PKP4: variants seen among roughly 807,000 people sequenced by gnomAD.
The protein encoded by PKP4 is plakophilin 4.
A neutral mutation model predicts 145.1 loss-of-function variants in PKP4; 90 were observed. That is an observed-to-expected ratio of 0.62 (90% CI 0.52 to 0.74). The LOEUF (loss-of-function observed/expected upper bound fraction) is 0.74, where lower values mean the gene tolerates loss of function less well. PKP4 is among the 30% of genes least tolerant of loss of function. PKP4 has a pLI of 0.00. For missense variants in PKP4, 1,340 were observed against 1,482.7 expected, an observed-to-expected ratio of 0.90 and a Z score of 1.58; for synonymous variants, 563 against 577.2, an observed-to-expected ratio of 0.98 and a Z score of 0.35.
At chr2:158,542,697 C>T (rs536132893) in intron 2 of PKP4, among the ~76,000 whole-genome samples, 3 of 152,076 alleles carry the variant, frequency 2.0e-5, no homozygotes, top group South Asian at 2.1e-4. Context: ...TGCCATTGTG[C>T]GAAAAAAGAC....
chr2:158,495,751 G>GT (rs1695609809), intron 1 of PKP4, among the ~76,000 whole-genome samples: 1 of 150,600 alleles, frequency 6.6e-6, no homozygotes, highest in Non-Finnish European at 1.5e-5. Flanking sequence ...GGGTAATTGT[G>GT]TGAACCCAGG....
intron 4 of PKP4, among the ~76,000 whole-genome samples, 173 bp from the exon 5 acceptor site, chr2:158,620,798 ATATATTAATGAAGTATAAG>A (rs2052150141): frequency 1.3e-5 from 2 of 152,228 alleles, no homozygotes; most frequent in Admixed American, 1.3e-4. Context: ...ATTCAGCAAA[ATATATTAATGAAGTATAAG>A]TATATGGAAC....
intron 9 of PKP4, among the ~76,000 whole-genome samples, chr2:158,640,327 A>C (rs2054168287): frequency 6.6e-6 from 1 of 152,248 alleles, no homozygotes; most frequent in South Asian, 2.1e-4. Flanking sequence ...GTAGAAAGAC[A>C]TAAAATTAGA....
At chr2:158,603,212 G>A in intron 4 of PKP4, 108 bp downstream of exon 4, 1 of 596,552 alleles carries the variant, frequency 1.7e-6, no homozygotes, top group South Asian at 2.7e-5. Context: ...GCCTTTAATA[G>A]TGACAATATT....
chr2:158,490,933 C>T (rs1175772572), intron 1 of PKP4, among the ~76,000 whole-genome samples: 7 of 152,164 alleles, frequency 4.6e-5, no homozygotes, highest in African/African-American at 7.2e-5. Flanking sequence ...CTACCTCCCA[C>T]GGCCGTAGGC....
intron 1 of PKP4, among the ~76,000 whole-genome samples, chr2:158,505,500 C>G (rs1318447437): frequency 6.6e-6 from 1 of 152,172 alleles, no homozygotes; most frequent in African/African-American, 2.4e-5. Context: ...TACTGTGCTG[C>G]CTGCTGACAG....
At chr2:158,519,555 ACTCTGAAC>A (rs1479005802) in intron 1 of PKP4, among the ~76,000 whole-genome samples, 7 of 151,994 alleles carry the variant, frequency 4.6e-5, no homozygotes, top group African/African-American at 1.7e-4. Flanking sequence ...GATATACCAT[ACTCTGAAC>A]CTCGAGCTCT....
intron 2 of PKP4, among the ~76,000 whole-genome samples, chr2:158,538,058 C>A (rs1012568228): frequency 6.6e-6 from 1 of 152,000 alleles, no homozygotes; most frequent in Non-Finnish European, 1.5e-5. Context: ...AAGGATCCTG[C>A]CTCTTCCTGT....
At chr2:158,590,459 A>G (rs2049174455) in intron 3 of PKP4, among the ~76,000 whole-genome samples, 1 of 151,514 alleles carries the variant, frequency 6.6e-6, no homozygotes, top group Admixed American at 6.6e-5. Context: ...GTCCAAGTCA[A>G]TTAAAGATTG....
chr2:158,590,579 C>G (rs554964619), intron 3 of PKP4, among the ~76,000 whole-genome samples: 43 of 151,622 alleles, frequency 2.8e-4, no homozygotes, highest in Non-Finnish European at 4.0e-4. Flanking sequence ...TTACAAAGTA[C>G]AAAATGCAAA....
chr2:158,472,414 C>T (rs1691718716), intron 1 of PKP4, among the ~76,000 whole-genome samples: 1 of 151,874 alleles, frequency 6.6e-6, no homozygotes, highest in Non-Finnish European at 1.5e-5. Flanking sequence ...TCGAGACCAT[C>T]CTGGCTAACA....
chr2:158,488,256 T>A (rs775349788), intron 1 of PKP4, among the ~76,000 whole-genome samples: 3 of 152,216 alleles, frequency 2.0e-5, no homozygotes, highest in Non-Finnish European at 2.9e-5. Flanking sequence ...TTGTTGAGCC[T>A]ACTATGTGCT....
chr2:158,525,962 T>G (rs1438763721), intron 1 of PKP4, among the ~76,000 whole-genome samples: 3 of 151,008 alleles, frequency 2.0e-5, no homozygotes, highest in South Asian at 2.1e-4. Flanking sequence ...AATAGACCAA[T>G]AACAGGAGCT....
intron 19 of PKP4, among the ~76,000 whole-genome samples, chr2:158,676,384 GTTA>G (rs2058009888): frequency 6.6e-6 from 1 of 152,236 alleles, no homozygotes; most frequent in Admixed American, 6.5e-5. Flanking sequence ...TGGCTAGTAA[GTTA>G]TTATCACTCA....
chr2:158,510,159 A>G (rs1574186072), intron 1 of PKP4, among the ~76,000 whole-genome samples: 3 of 152,212 alleles, frequency 2.0e-5, no homozygotes, highest in African/African-American at 7.2e-5. Flanking sequence ...ACTGCCAACT[A>G]ATAAACAAAA....
chr2:158,562,793 C>T (rs1276471018), intron 2 of PKP4, among the ~76,000 whole-genome samples: 4 of 152,040 alleles, frequency 2.6e-5, no homozygotes, highest in East Asian at 1.9e-4. Context: ...TACATGGTAT[C>T]GAAGTGATTC....
chr2:158,524,439 T>G (rs1019423808), intron 1 of PKP4, among the ~76,000 whole-genome samples: 29 of 116,268 alleles, frequency 2.5e-4, no homozygotes, highest in Non-Finnish European at 5.0e-4. Flanking sequence ...TGCTGAGAGA[T>G]TTTGTCACCA....
intron 10 of PKP4, among the ~76,000 whole-genome samples, chr2:158,642,281 C>T (rs1294711528): frequency 6.6e-6 from 1 of 152,204 alleles, no homozygotes; most frequent in Non-Finnish European, 1.5e-5. Flanking sequence ...ATCTTGGCCT[C>T]CCAATGTGCT....
intron 3 of PKP4, among the ~76,000 whole-genome samples, chr2:158,596,843 T>C (rs1318244658): frequency 6.6e-6 from 1 of 152,060 alleles, no homozygotes; most frequent in African/African-American, 2.4e-5. Context: ...CCCCTTACGG[T>C]TTTTGAGCTG....
Sources: gnomAD v4.1 joint callset for allele counts (sites outside exome capture counted in the v4.1 genomes callset) on GRCh38, gnomAD v4.1.1 for gene constraint, MANE v1.5 for transcripts, NCBI Gene and HGNC (gene_info 2026-07-23, HGNC 2026-07-21) for gene names.